Variants in IL31RA observed in about 807,000 individuals in gnomAD.
IL31RA encodes the protein interleukin-31 receptor subunit alpha.
Under a neutral mutation model 83.7 loss-of-function variants are expected in IL31RA, and 66 were observed. The ratio of observed to expected loss-of-function variants is 0.79; its 90% confidence interval spans 0.65 to 0.97. The LOEUF (loss-of-function observed/expected upper bound fraction) is 0.97, where lower values mean the gene tolerates loss of function less well. Among genes scored for constraint, IL31RA ranks in the 50% least tolerant of loss-of-function variants. The pLI, the probability that IL31RA is intolerant of heterozygous loss-of-function variation, is 0.00. For missense variants in IL31RA, 798 were observed against 919.4 expected (o/e 0.87, Z 1.71); for synonymous variants, 325 against 329.0 (o/e 0.99, Z 0.13).
intron 3 of IL31RA, among the ~76,000 whole-genome samples, chr5:55,871,810 A>G (rs1746522210): frequency 1.3e-5 from 2 of 152,116 alleles, no homozygotes; most frequent in African/African-American, 2.4e-5. Context: ...CAATAAATAC[A>G]GTATGTTAAA....
intron 4 of IL31RA, among the ~76,000 whole-genome samples, chr5:55,881,570 A>C (rs1747229027): frequency 6.6e-6 from 1 of 151,924 alleles, no homozygotes; most frequent in Non-Finnish European, 1.5e-5. Context: ...GAGCATGCGC[A>C]GTGTATTTAC....
intron 2 of IL31RA, among the ~76,000 whole-genome samples, chr5:55,867,097 G>GCA (rs1199330346): frequency 5.5e-4 from 17 of 31,062 alleles, no homozygotes; most frequent in African/African-American, 1.3e-3. Context: ...GTGTGTGTGT[G>GCA]TTTGTGTGTG....
chr5:55,867,062 A>G (rs904970078), intron 2 of IL31RA, among the ~76,000 whole-genome samples: 2 of 151,602 alleles, frequency 1.3e-5, no homozygotes, highest in Non-Finnish European at 1.5e-5. Flanking sequence ...AATTGCTCTT[A>G]GTTCTTAGTT....
At chr5:55,872,495 T>A in intron 4 of IL31RA, 44 bp downstream of exon 4, 1 of 1,220,772 alleles carries the variant, frequency 8.2e-7, no homozygotes, top group Non-Finnish European at 1.1e-6. Flanking sequence ...ATTAAATGTT[T>A]ACCTCCTTCT....
At chr5:55,886,894 G>A (rs1239641654) in intron 5 of IL31RA, among the ~76,000 whole-genome samples, 1 of 152,076 alleles carries the variant, frequency 6.6e-6, no homozygotes, top group Admixed American at 6.5e-5. Context: ...CCTTCTGAGG[G>A]CCTGGGCCTG....
At chr5:55,864,191 C>T (rs1164547880) in intron 2 of IL31RA, among the ~76,000 whole-genome samples, 3 of 151,984 alleles carry the variant, frequency 2.0e-5, no homozygotes, top group East Asian at 1.9e-4. Flanking sequence ...GTTAGTGTGA[C>T]GAGTATGAGC....
At chr5:55,897,237 C>T (rs1229189422) in intron 7 of IL31RA, among the ~76,000 whole-genome samples, 1 of 149,984 alleles carries the variant, frequency 6.7e-6, no homozygotes. Context: ...ATTTCCTTCC[C>T]TAGAGGGCTT....
chr5:55,916,435 T>A (rs1749785087), intron 14 of IL31RA, among the ~76,000 whole-genome samples: 1 of 151,946 alleles, frequency 6.6e-6, no homozygotes, highest in Non-Finnish European at 1.5e-5. Context: ...ATTGTTTGAA[T>A]CCAGGGCACT....
At chr5:55,887,951 G>A (rs1256940617) in intron 5 of IL31RA, among the ~76,000 whole-genome samples, 2 of 151,878 alleles carry the variant, frequency 1.3e-5, no homozygotes, top group Non-Finnish European at 2.9e-5. Flanking sequence ...TGGGGAGGCT[G>A]AGGCAGGAGA....
chr5:55,892,419 A>C (rs1030682867), intron 6 of IL31RA, among the ~76,000 whole-genome samples: 2 of 152,196 alleles, frequency 1.3e-5, no homozygotes, highest in Non-Finnish European at 2.9e-5. Flanking sequence ...TCATCCACAC[A>C]ATAATGATTT....
intron 5 of IL31RA, among the ~76,000 whole-genome samples, chr5:55,888,444 G>A (rs1024320031): frequency 2.0e-5 from 3 of 152,152 alleles, no homozygotes; most frequent in Non-Finnish European, 4.4e-5. Flanking sequence ...TGTAATGTAC[G>A]TGATGAGAAC....
At chr5:55,851,977 A>G (rs542272089) in intron 1 of IL31RA, among the ~76,000 whole-genome samples, 56 of 152,300 alleles carry the variant, frequency 3.7e-4, no homozygotes, top group Non-Finnish European at 7.3e-4. Context: ...GAGAGAGTAG[A>G]GATAAATGTA....
rs192499689 is a variant in IL31RA, at chr5:55,869,824, T to C, written c.272+916T>C. On this transcript the variant is annotated intron_variant, in intron 3 of 14. Coordinates refer to ENST00000652347, the MANE Select transcript of IL31RA (RefSeq NM_139017.7). ...CTCATTACTTCCTTCTTGTGAATAA[T>C]GAATAAGGGGGCCCATGTTGGGAAG... 1.5e-3 allele frequency among the ~76,000 whole-genome samples: 226 copies of C among 152,272 alleles called. 1 individual carries two copies. The highest frequency in any genetic ancestry group is 5.1e-3 in the African/African-American group (211 of 41,552).
the IL31RA span, chr5:55,839,954 G>A: frequency 2.5e-5 from 16 of 646,262 alleles, no homozygotes; most frequent in Admixed American, 6.3e-5. Flanking sequence ...GCACTTCATC[G>A]GCCAAGCAAG....
intron 12 of IL31RA, among the ~76,000 whole-genome samples, chr5:55,912,073 AAGG>A (rs1313706942): frequency 1.3e-5 from 2 of 152,158 alleles, no homozygotes; most frequent in African/African-American, 2.4e-5. Context: ...TCATCAGCTC[AAGG>A]AGTTTTCTCC....
intron 3 of IL31RA, among the ~76,000 whole-genome samples, chr5:55,871,246 A>T (rs1362491356): frequency 2.0e-5 from 3 of 152,236 alleles, no homozygotes; most frequent in Non-Finnish European, 4.4e-5. Context: ...CCTGGAGGCC[A>T]TTTTTGTGCT....
chr5:55,887,493 A>C (rs1747687927), intron 5 of IL31RA, among the ~76,000 whole-genome samples: 1 of 152,212 alleles, frequency 6.6e-6, no homozygotes, highest in Non-Finnish European at 1.5e-5. Flanking sequence ...TAATCCCAGC[A>C]CTTTGGGAGG....
rs764737840 is a variant in IL31RA, at chr5:55,908,608, A to C, written c.1501+197A>C. 18 of 1,550,622 alleles carry C rather than the reference A, an allele frequency of 1.2e-5. No homozygotes were observed. In the African/African-American group the frequency reaches 1.9e-4, roughly 17 times the overall value. On this transcript the variant is annotated intron_variant, in intron 11 of 14. Coordinates refer to ENST00000652347, the MANE Select transcript of IL31RA (RefSeq NM_139017.7). ...GGTTTTGGGGGTTAAATGAGAGTGAAGTGACAGTACCTGAGAGGAGAGTCC... is the reference window on the plus strand; with the variant it reads ...GGTTTTGGGGGTTAAATGAGAGTGACGTGACAGTACCTGAGAGGAGAGTCC...
rs1451656822 is a variant in IL31RA at position 55,914,858 on chromosome 5, A to G, written c.1748A>G (p.His583Arg). 4 of 1,612,588 alleles carry G rather than the reference A, an allele frequency of 2.5e-6. No individual in the cohort carries two copies. Among genetic ancestry groups the G allele is most frequent in the South Asian group, 1.1e-5 (1 of 91,046 alleles). ...TTCTCTCTCATTAGCAAATTGACTC[A>G]TCTGTGTTGGCCCACCGTTCCCAAC... The part of the protein sequence containing the change: ...YGLKKPNKLT[H>R]LCWPTVPNPA... Residue 583 changes from histidine (H) to arginine (R), a missense_variant, in exon 14 of 15, where the codon CAT (histidine) becomes CGT (arginine). Transcript: ENST00000652347.
Sources: allele counts gnomAD v4.1 joint callset (sites outside exome capture counted in the v4.1 genomes callset), GRCh38; gene constraint gnomAD v4.1.1; transcripts MANE v1.5; gene names NCBI Gene and HGNC (gene_info 2026-07-23, HGNC 2026-07-21).